Variants in CPM observed in about 807,000 individuals in gnomAD.
The protein encoded by CPM is carboxypeptidase M.
CPM carries 35 observed loss-of-function variants against 46.4 expected under a neutral mutation model. The ratio of observed to expected loss-of-function variants is 0.75; its 90% CI spans 0.58 to 1.00. The LOEUF (loss-of-function observed/expected upper bound fraction) is 1.00. Ranked by LOEUF, CPM falls within the 50% of genes least tolerant of loss-of-function variation. The probability of loss-of-function intolerance (pLI) is 0.00; values close to 1 mark genes in which losing one functional copy is unlikely to be tolerated. For missense variants in CPM, 422 were observed against 530.4 expected (o/e 0.80, Z 2.01); for synonymous variants, 195 against 195.3 (o/e 1.00, Z 0.01).
chr12:68,868,899 C>A (rs1359411307), intron 6 of CPM, among the ~76,000 whole-genome samples: 2 of 152,210 alleles, frequency 1.3e-5, no homozygotes, highest in East Asian at 3.8e-4. Flanking sequence ...CACATTTCTC[C>A]AAGCTCTTCA....
intron 2 of CPM, among the ~76,000 whole-genome samples, chr12:68,926,271 T>C (rs1888256197): frequency 6.6e-6 from 1 of 152,180 alleles, no homozygotes; most frequent in African/African-American, 2.4e-5. Context: ...AATATTATCA[T>C]TTCAACATGT....
chr12:68,950,189 A>G (rs1056923644), intron 1 of CPM, among the ~76,000 whole-genome samples: 3 of 152,178 alleles, frequency 2.0e-5, no homozygotes, highest in Admixed American at 2.0e-4. Context: ...TGCTGTGTAG[A>G]AAAAGGTTTT....
chr12:68,936,731 A>G (rs1888680165), upstream of CPM, among the ~76,000 whole-genome samples: 1 of 152,234 alleles, frequency 6.6e-6, no homozygotes, highest in Non-Finnish European at 1.5e-5. Flanking sequence ...TAAAACCATA[A>G]TAAAAAGGCT....
intron 2 of CPM, among the ~76,000 whole-genome samples, chr12:68,904,063 G>C (rs544271297): frequency 6.6e-6 from 1 of 151,954 alleles, no homozygotes; most frequent in Non-Finnish European, 1.5e-5. Flanking sequence ...ATGTTTTGTA[G>C]AGATGGGGGT....
At chr12:68,958,267 A>C (rs769527013) in intron 1 of CPM, among the ~76,000 whole-genome samples, 48 of 152,296 alleles carry the variant, frequency 3.2e-4, no homozygotes, top group Non-Finnish European at 5.6e-4. Flanking sequence ...GAATTGCCAC[A>C]CTGTCTTTCA....
chr12:68,915,755 A>G (rs1236201582), intron 2 of CPM, among the ~76,000 whole-genome samples: 2 of 152,240 alleles, frequency 1.3e-5, no homozygotes, highest in Admixed American at 6.5e-5. Context: ...AACTCAATGA[A>G]TATTTGTTGA....
chr12:68,905,084 T>C (rs1887284168), intron 2 of CPM, among the ~76,000 whole-genome samples: 1 of 151,990 alleles, frequency 6.6e-6, no homozygotes, highest in South Asian at 2.1e-4. Flanking sequence ...AATGTTTGCA[T>C]TTTTAGTAGA....
chr12:68,907,570 G>A (rs767724388), intron 2 of CPM, among the ~76,000 whole-genome samples: 16 of 152,164 alleles, frequency 1.1e-4, no homozygotes, highest in Non-Finnish European at 2.1e-4. Flanking sequence ...GGGGTCATAT[G>A]GTTTTAATGA....
At chr12:68,881,387 G>A (rs1257956250) in intron 3 of CPM, among the ~76,000 whole-genome samples, 1 of 152,156 alleles carries the variant, frequency 6.6e-6, no homozygotes, top group Admixed American at 6.5e-5. Context: ...GATTAAATGA[G>A]ATCCAAGAGA....
upstream of CPM, chr12:68,933,212 G>A (rs1888593113): frequency 6.6e-6 from 1 of 152,368 alleles, no homozygotes; most frequent in South Asian, 2.1e-4. Flanking sequence ...CCCGGTCAGA[G>A]GGCGGGCGCG....
intron 1 of CPM, 137 bp from the exon 2 acceptor site, chr12:68,932,977 A>G: frequency 1.4e-6 from 1 of 724,664 alleles, no homozygotes; most frequent in Non-Finnish European, 2.2e-6. Flanking sequence ...CAAAAGCTGG[A>G]AGCAACACCT....
rs1340521732 is a variant in CPM at position 68,855,718 on chromosome 12, G to C, written c.*719C>G. 2 of 150,806 alleles carry C rather than the reference G, an allele frequency of 1.3e-5. No individual in the cohort carries two copies. The highest frequency in any genetic ancestry group is 1.3e-4 in the Admixed American group (2 of 15,164). 9.3% of individuals were successfully genotyped at this position (150,806 alleles called of 1,614,324 possible). A position where few individuals can be genotyped will look rare whatever the true frequency, so the allele number is the denominator to read the frequency against. ...ATTCACATGTAGCACTCATGGTGAG[G>C]TGTTTTTTTTGTTTGTTTGTTTTTG... On this transcript the variant is annotated 3_prime_UTR_variant, in exon 9 of 9. Transcript: ENST00000551568.
intron 2 of CPM, among the ~76,000 whole-genome samples, chr12:68,930,536 G>A (rs780033926): frequency 6.6e-6 from 1 of 152,174 alleles, no homozygotes; most frequent in Non-Finnish European, 1.5e-5. Flanking sequence ...CCAGTTACTG[G>A]CATACAGTTT....
At chr12:68,857,144 T>G (rs1342039151) in intron 8 of CPM, among the ~76,000 whole-genome samples, 2 of 151,584 alleles carry the variant, frequency 1.3e-5, no homozygotes, top group East Asian at 3.8e-4. Context: ...TAAAAGCTTT[T>G]CTTTCTTTCT....
chr12:68,902,123 G>C (rs1051379417), intron 2 of CPM, among the ~76,000 whole-genome samples: 3 of 152,090 alleles, frequency 2.0e-5, no homozygotes, highest in African/African-American at 7.2e-5. Context: ...TTTCCAAGGA[G>C]AGGTAAATAT....
chr12:68,955,868 G>A (rs1304112721), intron 1 of CPM, among the ~76,000 whole-genome samples: 1 of 152,144 alleles, frequency 6.6e-6, no homozygotes, highest in African/African-American at 2.4e-5. Context: ...GGGTGGCCAT[G>A]GGTGTCCAAG....
At chr12:68,918,235 T>C (rs915889191) in intron 2 of CPM, among the ~76,000 whole-genome samples, 1 of 152,214 alleles carries the variant, frequency 6.6e-6, no homozygotes, top group Admixed American at 6.5e-5. Context: ...TCAGACTAAC[T>C]GTGTGACGGT....
intron 7 of CPM, 78 bp from the exon 8 acceptor site, chr12:68,859,149 A>G (rs1885103863): frequency 1.3e-6 from 1 of 755,112 alleles, no homozygotes; most frequent in Middle Eastern, 4.4e-4. Flanking sequence ...TTTAAGAACA[A>G]TATATGCAAT....
intron 3 of CPM, among the ~76,000 whole-genome samples, chr12:68,883,678 C>T (rs1886298731): frequency 6.6e-6 from 1 of 152,072 alleles, no homozygotes; most frequent in Non-Finnish European, 1.5e-5. Context: ...ACGGAAAGGA[C>T]TCTTGCTTAT....
Sources: allele counts gnomAD v4.1 joint callset (sites outside exome capture counted in the v4.1 genomes callset), GRCh38; gene constraint gnomAD v4.1.1; transcripts MANE v1.5; gene names NCBI Gene and HGNC (gene_info 2026-07-23, HGNC 2026-07-21).